Variants in PDE3A observed in about 807,000 individuals in gnomAD.
PDE3A encodes cGMP-inhibited 3',5'-cyclic phosphodiesterase 3A.
PDE3A carries 43 observed loss-of-function variants against 98.3 expected under a neutral mutation model. The ratio of observed to expected loss-of-function variants is 0.44; its 90% CI spans 0.34 to 0.56. The LOEUF (loss-of-function observed/expected upper bound fraction) is 0.56. PDE3A is among the 20% of genes least tolerant of loss of function. The pLI is 0.01. For missense variants in PDE3A, 1,427 were observed against 1,440.7 expected (o/e 0.99, Z 0.15); for synonymous variants, 663 against 567.9 (o/e 1.17, Z -2.38).
At chr12:20,458,042 T>C (rs1945182025) in intron 1 of PDE3A, among the ~76,000 whole-genome samples, 1 of 152,178 alleles carries the variant, frequency 6.6e-6, no homozygotes, top group Non-Finnish European at 1.5e-5. Context: ...GATTTTTTCT[T>C]CTTCATTTCA....
chr12:20,556,813 G>C, intron 2 of PDE3A, 103 bp downstream of exon 2: 2 of 827,404 alleles, frequency 2.4e-6, no homozygotes, highest in Admixed American at 2.0e-5. Context: ...CGAGGAAGAG[G>C]CAAAATAACC....
intron 12 of PDE3A, among the ~76,000 whole-genome samples, chr12:20,647,220 T>TC (rs1944796182): frequency 6.6e-6 from 1 of 152,192 alleles, no homozygotes; most frequent in Admixed American, 6.5e-5. Context: ...TTAATGGACC[T>TC]CTTTAACAAA....
chr12:20,595,246 T>A (rs1283472723), intron 2 of PDE3A, among the ~76,000 whole-genome samples: 1 of 152,110 alleles, frequency 6.6e-6, no homozygotes, highest in Non-Finnish European at 1.5e-5. Flanking sequence ...GATCCAAAAA[T>A]GGCTGCTGGC....
At chr12:20,612,322 G>C (rs571565573) in intron 2 of PDE3A, among the ~76,000 whole-genome samples, 3 of 150,976 alleles carry the variant, frequency 2.0e-5, no homozygotes, top group South Asian at 2.1e-4. Context: ...TTGTCCTTTA[G>C]TGATTTTTTA....
chr12:20,609,359 A>T (rs1045233708), intron 2 of PDE3A, among the ~76,000 whole-genome samples: 1 of 152,058 alleles, frequency 6.6e-6, no homozygotes, highest in Non-Finnish European at 1.5e-5. Context: ...TTAACCAAGG[A>T]GGTAAAAGAT....
At chr12:20,613,787 C>G (rs1943930878) in intron 3 of PDE3A, 87 bp downstream of exon 3, 1 of 983,192 alleles carries the variant, frequency 1.0e-6, no homozygotes, top group East Asian at 2.5e-5. Flanking sequence ...TCAACTCCAT[C>G]TGCAGATTCA....
chr12:20,391,388 T>A (rs200663364), intron 1 of PDE3A, among the ~76,000 whole-genome samples: 1 of 104,142 alleles, frequency 9.6e-6, no homozygotes, highest in Non-Finnish European at 2.0e-5. Context: ...TATATATATA[T>A]ACACACACAC....
chr12:20,550,437 T>A (rs1010754125), intron 1 of PDE3A, among the ~76,000 whole-genome samples: 4 of 152,154 alleles, frequency 2.6e-5, no homozygotes, highest in African/African-American at 9.6e-5. Flanking sequence ...TTTTTGATAG[T>A]TCTAGTGAAC....
In PDE3A at chr12:20,422,925, C is replaced by T; in HGVS notation, c.960+52681C>T. ...GGACATAATTTTAAAATACTGACATCTTTATCTAATTTGTTATATTATGTT... is the reference window on the plus strand; with the variant it reads ...GGACATAATTTTAAAATACTGACATTTTTATCTAATTTGTTATATTATGTT... On this transcript the variant is annotated intron_variant, in intron 1 of 15. Coordinates refer to ENST00000359062, the MANE Select transcript of PDE3A (RefSeq NM_000921.5). 2.0e-5 allele frequency among the ~76,000 whole-genome samples: 3 copies of T among 152,176 alleles called. No individual in the cohort carries two copies. In the East Asian group the frequency reaches 5.8e-4, roughly 29 times the overall value.
chr12:20,660,527 C>T (rs113751371), intron 15 of PDE3A, among the ~76,000 whole-genome samples: 2,802 of 151,904 alleles, frequency 0.018, 106 homozygotes, highest in African/African-American at 0.065. Context: ...GTGTCTCCAC[C>T]CAAATCTAAT....
chr12:20,417,639 G>T (rs1022080701), intron 1 of PDE3A, among the ~76,000 whole-genome samples: 3 of 152,084 alleles, frequency 2.0e-5, no homozygotes, highest in Admixed American at 6.6e-5. Flanking sequence ...GCTCATTTAG[G>T]CAATTAAAGC....
In PDE3A at chr12:20,637,086, G is replaced by C; in HGVS notation, c.2002-14G>C. 1 of 1,559,240 alleles carries C rather than the reference G, an allele frequency of 6.4e-7. No individual in the cohort carries two copies. The highest frequency in any genetic ancestry group is 8.7e-7 in the Non-Finnish European group (1 of 1,155,830). On this transcript the variant is annotated splice_polypyrimidine_tract_variant and intron_variant, in intron 8 of 15. Transcript: ENST00000359062. ...CTGCATGCTGTTTAAGTATTTTAAT[G>C]TTAAACATTACAGGACAAACCAATT...
In PDE3A at chr12:20,449,662, T is replaced by G; in HGVS notation, c.960+79418T>G. ...TTAGTCTACAAGTCGCTTTTCCCCC[T>G]ATTTCTCTGTAAACTTCAGCATTCT... On this transcript the variant is annotated intron_variant, in intron 1 of 15. Coordinates refer to ENST00000359062, the MANE Select transcript of PDE3A (RefSeq NM_000921.5). 3 of 417,924 alleles carry G rather than the reference T, an allele frequency of 7.2e-6. No individual in the cohort carries two copies. The East Asian group carries it at 1.1e-4, about 16-fold the overall frequency. 25.9% of individuals were successfully genotyped at this position (417,924 alleles called of 1,614,324 possible). A position where few individuals can be genotyped will look rare whatever the true frequency, so the allele number is the denominator to read the frequency against.
At chr12:20,459,315 A>G (rs1176513236) in intron 1 of PDE3A, among the ~76,000 whole-genome samples, 1 of 152,174 alleles carries the variant, frequency 6.6e-6, no homozygotes, top group East Asian at 1.9e-4. Flanking sequence ...AGTTATGACT[A>G]GGATAGTTGT....
intron 2 of PDE3A, among the ~76,000 whole-genome samples, chr12:20,589,045 C>A (rs1400867288): frequency 3.3e-5 from 5 of 152,114 alleles, no homozygotes; most frequent in Non-Finnish European, 7.3e-5. Context: ...GCCTCAGCCT[C>A]CCGAGTAGCT....
At chr12:20,500,863 G>A (rs1381400512) in intron 1 of PDE3A, among the ~76,000 whole-genome samples, 4 of 151,218 alleles carry the variant, frequency 2.6e-5, no homozygotes, top group East Asian at 3.9e-4. Flanking sequence ...GACCTCCTGG[G>A]TTCAAGCAAT....
intron 2 of PDE3A, among the ~76,000 whole-genome samples, chr12:20,595,608 G>C (rs1481985789): frequency 6.6e-6 from 1 of 152,184 alleles, no homozygotes; most frequent in Non-Finnish European, 1.5e-5. Context: ...TTTTGAGCCA[G>C]AGTAGAATGT....
At chr12:20,540,386 A>G (rs1941862192) in intron 1 of PDE3A, among the ~76,000 whole-genome samples, 1 of 152,124 alleles carries the variant, frequency 6.6e-6, no homozygotes, top group Admixed American at 6.6e-5. Flanking sequence ...GGAGAATTCC[A>G]GTTTAGCTAT....
At chr12:20,509,089 T>A (rs1024536308) in intron 1 of PDE3A, among the ~76,000 whole-genome samples, 1 of 152,050 alleles carries the variant, frequency 6.6e-6, no homozygotes, top group African/African-American at 2.4e-5. Context: ...ACATTGTGCG[T>A]CATCAAGAGC....
Sources: gnomAD v4.1 joint callset for allele counts (sites outside exome capture counted in the v4.1 genomes callset) on GRCh38, gnomAD v4.1.1 for gene constraint, MANE v1.5 for transcripts, NCBI Gene and HGNC (gene_info 2026-07-23, HGNC 2026-07-21) for gene names.